The following ZPBP variants were observed in gnomAD, a reference collection of about 807,000 sequenced individuals.
ZPBP encodes the protein zona pellucida binding protein, also known as zona pellucida-binding protein 1.
A neutral mutation model predicts 44.8 loss-of-function variants in ZPBP; 26 were observed. The observed-to-expected ratio is 0.58, with a 90% CI of 0.43 to 0.81. The LOEUF is 0.81. Ranked by LOEUF, ZPBP falls within the 30% of genes least tolerant of loss-of-function variation. The probability of loss-of-function intolerance (pLI) is 0.00; values close to 1 mark genes in which losing one functional copy is unlikely to be tolerated. For synonymous variants in ZPBP, 174 were observed against 153.2 expected, an observed-to-expected ratio of 1.14 and a Z score of -1.00; for missense variants, 409 against 434.0, an observed-to-expected ratio of 0.94 and a Z score of 0.51.
At chr7:49,956,570 A>T (rs994498759) in intron 7 of ZPBP, among the ~76,000 whole-genome samples, 1 of 152,116 alleles carries the variant, frequency 6.6e-6, no homozygotes, top group African/African-American at 2.4e-5. Flanking sequence ...AAATAACTAC[A>T]TGAATCTAAC....
intron 6 of ZPBP, among the ~76,000 whole-genome samples, chr7:50,008,200 C>G (rs960689763): frequency 6.6e-6 from 1 of 151,922 alleles, no homozygotes; most frequent in Admixed American, 6.6e-5. Flanking sequence ...AATCAACATG[C>G]AAATATCAGT....
intron 7 of ZPBP, among the ~76,000 whole-genome samples, chr7:49,961,794 G>T (rs192395524): frequency 1.6e-4 from 25 of 152,186 alleles, no homozygotes; most frequent in Non-Finnish European, 3.1e-4. Flanking sequence ...CAATGAAATT[G>T]TTGAGGACTT....
intron 6 of ZPBP, among the ~76,000 whole-genome samples, chr7:49,993,467 T>C (rs933623261): frequency 6.6e-6 from 1 of 152,192 alleles, no homozygotes; most frequent in Admixed American, 6.5e-5. Context: ...CCAATTAAAA[T>C]GAACCGATTG....
chr7:50,019,349 C>G (rs541087760), intron 5 of ZPBP, among the ~76,000 whole-genome samples: 2 of 152,182 alleles, frequency 1.3e-5, no homozygotes, highest in African/African-American at 4.8e-5. Flanking sequence ...TAAAATTCTT[C>G]CAAAACACCA....
chr7:49,943,850 C>T, intron 7 of ZPBP: 1 of 242,920 alleles, frequency 4.1e-6, no homozygotes, highest in Non-Finnish European at 8.0e-6. Flanking sequence ...TTTTACATGT[C>T]TCTTCTTGTG....
chr7:50,020,820 G>A (rs1459275898), intron 5 of ZPBP, among the ~76,000 whole-genome samples: 5 of 152,012 alleles, frequency 3.3e-5, no homozygotes, highest in Non-Finnish European at 5.9e-5. Context: ...ACAACCAAGT[G>A]AATGCTAAAT....
intron 2 of ZPBP, among the ~76,000 whole-genome samples, chr7:49,863,806 G>A (rs1790767971): frequency 6.6e-6 from 1 of 152,100 alleles, no homozygotes; most frequent in Non-Finnish European, 1.5e-5. Flanking sequence ...CTTGGGTTTA[G>A]TGTGCTCTCT....
chr7:50,074,949 T>G (rs1361538698), intron 3 of ZPBP, among the ~76,000 whole-genome samples: 1 of 151,826 alleles, frequency 6.6e-6, no homozygotes, highest in Non-Finnish European at 1.5e-5. Context: ...CCATTTCATC[T>G]AAGAGCTGCA....
intron 4 of ZPBP, among the ~76,000 whole-genome samples, chr7:50,040,007 T>G (rs900564740): frequency 1.3e-5 from 2 of 151,988 alleles, no homozygotes; most frequent in Admixed American, 1.3e-4. Context: ...AAAAAGTAAT[T>G]AAAGAAATGA....
At chr7:50,012,808 C>A (rs923754783) in intron 6 of ZPBP, among the ~76,000 whole-genome samples, 60 of 150,836 alleles carry the variant, frequency 4.0e-4, no homozygotes, top group African/African-American at 1.4e-3. Context: ...AAACAGAATA[C>A]ATAAATAAAA....
At chr7:49,869,404 A>G (rs1791040181) in intron 2 of ZPBP, among the ~76,000 whole-genome samples, 1 of 152,212 alleles carries the variant, frequency 6.6e-6, no homozygotes, top group Non-Finnish European at 1.5e-5. Flanking sequence ...GGACTATTTC[A>G]AACAAAGCAA....
At chr7:49,847,524 G>A (rs577334359), downstream of ZPBP, among the ~76,000 whole-genome samples, 457 of 152,242 alleles carry the variant, frequency 3.0e-3, 2 homozygotes, top group Non-Finnish European at 5.6e-3. Flanking sequence ...ATTGGGTATG[G>A]TAAGGTCAAC....
chr7:50,083,140 C>A (rs917966030), intron 2 of ZPBP, among the ~76,000 whole-genome samples: 1 of 151,798 alleles, frequency 6.6e-6, no homozygotes, highest in East Asian at 1.9e-4. Context: ...CCCTTCCTCT[C>A]GCCCCCACTA....
chr7:49,979,188 G>C (rs1435676581), intron 7 of ZPBP, among the ~76,000 whole-genome samples: 1 of 151,612 alleles, frequency 6.6e-6, no homozygotes, highest in Non-Finnish European at 1.5e-5. Flanking sequence ...ACTTCCTCAA[G>C]ACTCAAACAC....
rs1798030560 is a variant in ZPBP at position 50,000,132 on chromosome 7, A to G, written c.784-16613T>C. 2.0e-5 allele frequency among the ~76,000 whole-genome samples: 3 copies of G among 152,328 alleles called. No homozygotes were observed. The South Asian group carries it at 6.2e-4, about 32-fold the overall frequency. On this transcript the variant is annotated intron_variant, in intron 6 of 7. Coordinates refer to ENST00000046087, the MANE Select transcript of ZPBP (RefSeq NM_007009.3). ...TATTATAATTTATAAAGTAAGTACT[A>G]TGAAAACTGTACAAATAAAAGTAGT... is the stretch of plus-strand genomic sequence containing the variant.
intron 6 of ZPBP, among the ~76,000 whole-genome samples, chr7:50,014,688 C>A (rs1798743698): frequency 6.6e-6 from 1 of 151,892 alleles, no homozygotes; most frequent in Non-Finnish European, 1.5e-5. Flanking sequence ...TGGTCTCGAA[C>A]TCCTGACCTC....
At chr7:49,858,880 C>T (rs1034213994) in intron 2 of ZPBP, among the ~76,000 whole-genome samples, 12 of 152,204 alleles carry the variant, frequency 7.9e-5, no homozygotes, top group Middle Eastern at 3.4e-3. Context: ...TACCTTGTTT[C>T]CTTAGTATTC....
intron 2 of ZPBP, among the ~76,000 whole-genome samples, chr7:49,870,919 C>T (rs1035417693): frequency 4.6e-5 from 7 of 152,128 alleles, no homozygotes; most frequent in East Asian, 1.9e-4. Flanking sequence ...AAAATGACTA[C>T]GGAACTGCTC....
At chr7:50,057,078 G>A (rs991983015) in intron 4 of ZPBP, among the ~76,000 whole-genome samples, 2 of 151,820 alleles carry the variant, frequency 1.3e-5, no homozygotes, top group Non-Finnish European at 2.9e-5. Context: ...CCAGCTAGTC[G>A]GGAAGCTGAG....
Sources: gnomAD v4.1 joint callset for allele counts (sites outside exome capture counted in the v4.1 genomes callset) on GRCh38, gnomAD v4.1.1 for gene constraint, MANE v1.5 for transcripts, NCBI Gene and HGNC (gene_info 2026-07-23, HGNC 2026-07-21) for gene names.